Variants in UNC5D observed in about 807,000 individuals in gnomAD.
UNC5D encodes netrin receptor UNC5D.
Under a neutral mutation model 105.4 loss-of-function variants are expected in UNC5D, and 39 were observed. The observed-to-expected ratio is 0.37, with a 90% CI of 0.29 to 0.48. UNC5D has a LOEUF of 0.48. UNC5D is among the 20% of genes least tolerant of loss of function. The pLI, the probability that UNC5D is intolerant of heterozygous loss-of-function variation, is 0.98. For synonymous variants in UNC5D, 452 were observed against 450.4 expected, an observed-to-expected ratio of 1.00 and a Z score of -0.04; for missense variants, 991 against 1,202.4, an observed-to-expected ratio of 0.82 and a Z score of 2.60.
At chr8:35,713,243 C>T (rs750038662) in intron 8 of UNC5D, among the ~76,000 whole-genome samples, 1 of 152,090 alleles carries the variant, frequency 6.6e-6, no homozygotes, top group Non-Finnish European at 1.5e-5. Flanking sequence ...TCTTTAGCAC[C>T]AGAATAACTT....
chr8:35,298,531 CT>C (rs1237761320), intron 1 of UNC5D, among the ~76,000 whole-genome samples: 1 of 139,864 alleles, frequency 7.1e-6, no homozygotes. Context: ...CCACCTGACT[CT>C]TTGTCAGAAT....
At chr8:35,427,165 A>G (rs1489488923) in intron 1 of UNC5D, among the ~76,000 whole-genome samples, 1 of 152,168 alleles carries the variant, frequency 6.6e-6, no homozygotes, top group Non-Finnish European at 1.5e-5. Flanking sequence ...ACCCCTTTGA[A>G]TTATTCTGTT....
At chr8:35,662,820 T>C (rs923344202) in intron 4 of UNC5D, among the ~76,000 whole-genome samples, 1 of 152,232 alleles carries the variant, frequency 6.6e-6, no homozygotes, top group East Asian at 1.9e-4. Flanking sequence ...GCCAGTTAGG[T>C]ACTGGGCCCC....
rs948320139 is a variant in UNC5D, at chr8:35,329,613, C to T, written c.103+93726C>T. The stretch of plus-strand genomic sequence containing the variant: ...TATATTTCCTCCTCTGACTCCTTTC[C>T]ATGTATTAGGCCATGATCGGGTATG... On this transcript the variant is annotated intron_variant, in intron 1 of 16. Transcript: ENST00000404895. 9.9e-5 allele frequency among the ~76,000 whole-genome samples: 15 copies of T among 152,054 alleles called. 1 individual carries two copies. The highest frequency in any genetic ancestry group is 3.1e-4 in the African/African-American group (13 of 41,466).
chr8:35,568,104 A>T lies in UNC5D; in HGVS notation c.329A>T (p.Lys110Met), dbSNP rs1194024876. The T allele has an allele frequency of 1.9e-6, 3 of 1,614,086 alleles. No individual in the cohort carries two copies. The South Asian group carries it at 3.3e-5, about 18-fold the overall frequency. Reference protein sequence around the residue: ...EETLDESSGLKVREVFINVTR... With the variant: ...EETLDESSGLMVREVFINVTR... ...TTATCTCTCCCACCATCAGGTTTGA[A>T]GGTCCGCGAAGTGTTCATCAATGTT... The change falls in exon 3 of 17, where the codon AAG (lysine) becomes ATG (methionine). Residue 110 changes from lysine (K) to methionine (M), a missense_variant. Around this residue, in one of 3 missense-constraint regions of UNC5D, gnomAD observed 944 missense variants for 1,131.6 expected, o/e 0.83. Transcript: ENST00000404895.
intron 1 of UNC5D, among the ~76,000 whole-genome samples, chr8:35,326,639 A>G (rs746995645): frequency 6.6e-5 from 10 of 152,116 alleles, no homozygotes; most frequent in Non-Finnish European, 1.3e-4. Context: ...CTGTAGTGCC[A>G]TCTACTTGGG....
chr8:35,387,093 G>A (rs1392329372), intron 1 of UNC5D, among the ~76,000 whole-genome samples: 4 of 151,640 alleles, frequency 2.6e-5, no homozygotes, highest in Non-Finnish European at 5.9e-5. Context: ...GGACGCAGTG[G>A]CTCACACCTG....
chr8:35,774,627 G>A, intron 16 of UNC5D, 150 bp downstream of exon 16: 2 of 1,086,048 alleles, frequency 1.8e-6, no homozygotes, highest in South Asian at 1.7e-5. Flanking sequence ...AGTAAGTGGG[G>A]AAAGAGCAAG....
rs527263774 is a variant in UNC5D at position 35,795,226 on chromosome 8, T to G, written c.*4663T>G. On this transcript the variant is annotated 3_prime_UTR_variant, in exon 17 of 17. Coordinates refer to ENST00000404895, the MANE Select transcript of UNC5D (RefSeq NM_080872.4). ...AAAGTTATAGCTTTGAATTATAGAC[T>G]ATATTACTAAATTTGGTAAGGTAGT... The G allele has an allele frequency of 6.6e-6, 1 of 152,174 alleles. No individual in the cohort carries two copies. Among genetic ancestry groups the G allele is most frequent in the African/African-American group, 2.4e-5 (1 of 41,450 alleles). 9.4% of individuals were successfully genotyped at this position (152,174 alleles called of 1,614,324 possible). A position where few individuals can be genotyped will look rare whatever the true frequency, so the allele number is the denominator to read the frequency against.
chr8:35,501,882 T>C (rs987558230), intron 1 of UNC5D, among the ~76,000 whole-genome samples: 3 of 152,222 alleles, frequency 2.0e-5, no homozygotes, highest in African/African-American at 7.2e-5. Context: ...TGTTAATTGA[T>C]ATGTTTTCCC....
At chr8:35,745,979 A>G (rs943488882) in intron 11 of UNC5D, among the ~76,000 whole-genome samples, 1 of 145,296 alleles carries the variant, frequency 6.9e-6, no homozygotes, top group Non-Finnish European at 1.5e-5. Context: ...AAGAAGGCTC[A>G]TTTTTTTTTT....
At chr8:35,296,731 C>T (rs1585521705) in intron 1 of UNC5D, among the ~76,000 whole-genome samples, 1 of 152,148 alleles carries the variant, frequency 6.6e-6, no homozygotes, top group African/African-American at 2.4e-5. Flanking sequence ...GTGGTAAGTA[C>T]CTTTTCATGT....
intron 1 of UNC5D, among the ~76,000 whole-genome samples, chr8:35,294,196 T>C (rs1807292402): frequency 6.6e-6 from 1 of 152,198 alleles, no homozygotes; most frequent in South Asian, 2.1e-4. Context: ...TAAACTCAAC[T>C]GCATTTGCAC....
chr8:35,347,258 A>C (rs1811870205), intron 1 of UNC5D, among the ~76,000 whole-genome samples: 1 of 152,016 alleles, frequency 6.6e-6, no homozygotes, highest in South Asian at 2.1e-4. Flanking sequence ...ATGAGCCAAT[A>C]ATCTACCCAA....
intron 1 of UNC5D, among the ~76,000 whole-genome samples, chr8:35,537,008 A>T (rs1207965626): frequency 2.0e-5 from 3 of 151,956 alleles, no homozygotes; most frequent in Non-Finnish European, 4.4e-5. Context: ...AACAAAACAA[A>T]ACAAACAACA....
intron 1 of UNC5D, among the ~76,000 whole-genome samples, chr8:35,389,732 C>A (rs1379016303): frequency 9.3e-5 from 8 of 85,964 alleles, no homozygotes; most frequent in African/African-American, 3.8e-4. Context: ...AATGTTCTGG[C>A]TGATTTAAAA....
intron 4 of UNC5D, among the ~76,000 whole-genome samples, chr8:35,680,665 A>G (rs997319676): frequency 3.9e-5 from 6 of 152,062 alleles, no homozygotes; most frequent in Admixed American, 3.9e-4. Context: ...TGACGGTTGT[A>G]CCTTTAATTT....
At chr8:35,372,523 T>C (rs1802481806) in intron 1 of UNC5D, among the ~76,000 whole-genome samples, 1 of 152,212 alleles carries the variant, frequency 6.6e-6, no homozygotes, top group Admixed American at 6.5e-5. Context: ...AGCCATTGTT[T>C]GATATTTGAA....
chr8:35,354,451 T>C (rs1490496144), intron 1 of UNC5D, among the ~76,000 whole-genome samples: 2 of 152,166 alleles, frequency 1.3e-5, no homozygotes, highest in African/African-American at 2.4e-5. Context: ...CCAGGGCAAC[T>C]TGAGCTGTTT....
Sources: gnomAD v4.1 joint callset for allele counts (sites outside exome capture counted in the v4.1 genomes callset) on GRCh38, gnomAD v4.1.1 for gene constraint, gnomAD v4.1.1 regional missense constraint, MANE v1.5 for transcripts, NCBI Gene and HGNC (gene_info 2026-07-23, HGNC 2026-07-21) for gene names.